The following BEND4 variants were observed in gnomAD, a reference collection of about 807,000 sequenced individuals.
BEND4 encodes the protein BEN domain-containing protein 4.
BEND4 carries 27 observed loss-of-function variants against 54.7 expected under a neutral mutation model. That is an observed-to-expected ratio of 0.49 (90% CI 0.36 to 0.68). BEND4 has a LOEUF of 0.68. Ranked by LOEUF, BEND4 falls within the 30% of genes least tolerant of loss-of-function variation. BEND4 has a pLI of 0.00. For synonymous variants in BEND4, 327 were observed against 299.5 expected (o/e 1.09, Z -0.95); for missense variants, 702 against 697.2 (o/e 1.01, Z -0.08).
intron 3 of BEND4, among the ~76,000 whole-genome samples, chr4:42,128,797 G>A (rs900499706): frequency 2.6e-5 from 4 of 151,224 alleles, no homozygotes; most frequent in African/African-American, 7.4e-5. Flanking sequence ...ACAGCCGGGC[G>A]TGGTGGTGGG....
chr4:42,123,705 A>AAAAAAAAAAAAACAAAAC (rs1560576044), intron 4 of BEND4, among the ~76,000 whole-genome samples: 3 of 144,976 alleles, frequency 2.1e-5, no homozygotes, highest in African/African-American at 5.6e-5. Context: ...AAAAAAAAAA[A>AAAAAAAAAAAAACAAAAC]AAAAAAAAAA....
intron 3 of BEND4, among the ~76,000 whole-genome samples, chr4:42,141,361 GCTTT>G (rs1219174349): frequency 2.0e-5 from 3 of 152,180 alleles, no homozygotes; most frequent in African/African-American, 7.2e-5. Context: ...CAAGTGGGTA[GCTTT>G]CTTTAACATT....
chr4:42,127,009 T>A (rs1229471785), intron 3 of BEND4, among the ~76,000 whole-genome samples: 1 of 152,210 alleles, frequency 6.6e-6, no homozygotes, highest in Admixed American at 6.5e-5. Flanking sequence ...AAATAATAAA[T>A]ATTTAACCTA....
intron 3 of BEND4, among the ~76,000 whole-genome samples, chr4:42,135,629 G>A (rs1309115641): frequency 1.3e-5 from 2 of 151,974 alleles, no homozygotes; most frequent in Non-Finnish European, 1.5e-5. Flanking sequence ...CAAAAAATTA[G>A]CCAGGCGTGG....
chr4:42,122,969 C>A (rs1720121286), intron 4 of BEND4, among the ~76,000 whole-genome samples: 7 of 152,172 alleles, frequency 4.6e-5, no homozygotes, highest in Admixed American at 4.6e-4. Context: ...AGTGATCTGG[C>A]AGCTGACAAT....
In BEND4 at chr4:42,117,169, T is replaced by G. The variant is rs1719870988; in HGVS notation, c.*349A>C. 5.5e-6 allele frequency: 1 copy of G among 180,772 alleles called. No individual in the cohort carries two copies. The highest frequency in any genetic ancestry group is 1.6e-4 in the South Asian group (1 of 6,094). 11.2% of individuals were successfully genotyped at this position (180,772 alleles called of 1,614,324 possible). A position where few individuals can be genotyped will look rare whatever the true frequency, so the allele number is the denominator to read the frequency against. On this transcript the variant is annotated 3_prime_UTR_variant, in exon 6 of 6. Coordinates refer to ENST00000502486, the MANE Select transcript of BEND4 (RefSeq NM_207406.4). ...CACCTTCTCCCATGGGCAGAAACAC[T>G]ACCCCAGCCTACCTTGGGGACTATC...
rs1426254377 is a variant in BEND4, at chr4:42,113,316, A to G, written c.*4202T>C. On this transcript the variant is annotated 3_prime_UTR_variant, in exon 6 of 6. Transcript: ENST00000502486. Reference sequence around the variant, plus strand: ...AGCTATTATCCATGGATGACATTTCAAAAAAATAATTGAAACCTAAGAAAC... The same window carrying G: ...AGCTATTATCCATGGATGACATTTCGAAAAAATAATTGAAACCTAAGAAAC... The G allele has an allele frequency of 1.3e-5, 2 of 152,240 alleles. No individual in the cohort carries two copies. The highest frequency in any genetic ancestry group is 1.9e-4 in the East Asian group (1 of 5,208). The allele number at this position is 152,240 out of a possible 1,614,324, so 9.4% of individuals were successfully genotyped here.
chr4:42,150,987 C>G (rs996106018), intron 2 of BEND4: 2 of 152,178 alleles, frequency 1.3e-5, no homozygotes, highest in East Asian at 3.9e-4. Flanking sequence ...GTTCCCCGCG[C>G]CCGAAATCCA....
chr4:42,137,444 T>A (rs1164117656), intron 3 of BEND4, among the ~76,000 whole-genome samples: 1 of 152,202 alleles, frequency 6.6e-6, no homozygotes, highest in African/African-American at 2.4e-5. Flanking sequence ...GGAATGCTCC[T>A]GGACACTGGC....
intron 5 of BEND4, among the ~76,000 whole-genome samples, chr4:42,119,712 TA>T (rs998675542): frequency 3.3e-5 from 5 of 152,108 alleles, no homozygotes; most frequent in Non-Finnish European, 7.3e-5. Context: ...TTGTACCCAT[TA>T]AAAAAATTTT....
Position 42,152,006 on chromosome 4 carries a change from C to A in BEND4, c.138G>T (p.Leu46=). The A allele has an allele frequency of 8.0e-7, 1 of 1,253,620 alleles. No individual in the cohort carries two copies. Among genetic ancestry groups the A allele is most frequent in the Non-Finnish European group, 1.0e-6 (1 of 993,598 alleles). The allele number at this position is 1,253,620 out of a possible 1,614,324, so 77.7% of individuals were successfully genotyped here. A position where few individuals can be genotyped will look rare whatever the true frequency, so the allele number is the denominator to read the frequency against. ...ALAKRYERPT[L]VELPHVRAPP... ...GCGCCCGCACGTGCGGCAGCTCCAC[C>A]AGGGTGGGTCGCTCGTAGCGCTTGG... is the stretch of plus-strand genomic sequence containing the variant. The change falls in exon 2 of 6, where the codon CTG becomes CTT. Residue 46 remains leucine (L), a synonymous_variant. Transcript: ENST00000502486.
intron 4 of BEND4, 122 bp from the exon 5 acceptor site, chr4:42,120,416 G>T: frequency 8.2e-7 from 1 of 1,213,128 alleles, no homozygotes; most frequent in Non-Finnish European, 1.2e-6. Flanking sequence ...AATGAACCAG[G>T]TATTGAAGTG....
rs769274783 is a variant in BEND4 at position 42,113,670 on chromosome 4, T to A, written c.*3848A>T. On this transcript the variant is annotated 3_prime_UTR_variant, in exon 6 of 6. Coordinates refer to ENST00000502486, the MANE Select transcript of BEND4 (RefSeq NM_207406.4). ...CACTAGTTGATGGGACATGGAGTAG[T>A]TGGATCAAGTAAAAAAATGGTTAAT... 6.6e-6 allele frequency: 1 copy of A among 152,188 alleles called. No individual in the cohort carries two copies. Among genetic ancestry groups the A allele is most frequent in the Admixed American group, 6.5e-5 (1 of 15,282 alleles). The allele number at this position is 152,188 out of a possible 1,614,324, so 9.4% of individuals were successfully genotyped here.
chr4:42,120,323 C>T, intron 4 of BEND4, 29 bp from the exon 5 acceptor site: 1 of 1,585,808 alleles, frequency 6.3e-7, no homozygotes, highest in Non-Finnish European at 8.6e-7. Flanking sequence ...TTCTCATTAC[C>T]CACCGAGCCA....
At chr4:42,119,936 A>G (rs1719993628) in intron 5 of BEND4, 118 bp downstream of exon 5, 2 of 1,291,152 alleles carry the variant, frequency 1.5e-6, no homozygotes, top group Non-Finnish European at 2.2e-6. Context: ...TGAAGCCTAG[A>G]CGTTCTCAGC....
chr4:42,126,939 T>A (rs1720310664), intron 3 of BEND4, among the ~76,000 whole-genome samples: 1 of 152,254 alleles, frequency 6.6e-6, no homozygotes, highest in South Asian at 2.1e-4. Flanking sequence ...TTTATATGAA[T>A]TGTTTCCACT....
At chr4:42,148,163 G>T (rs192454307) in intron 2 of BEND4, among the ~76,000 whole-genome samples, 1 of 152,012 alleles carries the variant, frequency 6.6e-6, no homozygotes, top group Non-Finnish European at 1.5e-5. Flanking sequence ...TTAAAAGAGG[G>T]CTTCATGGCA....
chr4:42,142,150 C>G (rs544781749), intron 3 of BEND4, among the ~76,000 whole-genome samples: 2 of 151,620 alleles, frequency 1.3e-5, no homozygotes, highest in South Asian at 4.2e-4. Context: ...TGTGATCCGC[C>G]CCCCCTCGGC....
intron 3 of BEND4, among the ~76,000 whole-genome samples, chr4:42,139,678 T>G (rs1004495793): frequency 2.6e-5 from 4 of 152,182 alleles, no homozygotes; most frequent in African/African-American, 9.6e-5. Context: ...CTGCAGTAGC[T>G]GACCCATCTC....
Sources: gnomAD v4.1 joint callset for allele counts (sites outside exome capture counted in the v4.1 genomes callset) on GRCh38, gnomAD v4.1.1 for gene constraint, MANE v1.5 for transcripts, NCBI Gene and HGNC (gene_info 2026-07-23, HGNC 2026-07-21) for gene names.